The following IKZF1 variants were observed in gnomAD, a reference collection of about 807,000 sequenced individuals.
IKZF1 encodes the protein IKAROS family zinc finger 1, also known as DNA-binding protein Ikaros.
Under a neutral mutation model 51.7 loss-of-function variants are expected in IKZF1, and 10 were observed. The ratio of observed to expected loss-of-function variants is 0.19; its 90% CI spans 0.12 to 0.33. The LOEUF is 0.33. Among genes scored for constraint, IKZF1 ranks in the 10% least tolerant of loss-of-function variants. The probability of loss-of-function intolerance (pLI) is 1.00; values close to 1 mark genes in which losing one functional copy is unlikely to be tolerated. For missense variants in IKZF1, 484 were observed against 707.5 expected (o/e 0.68, Z 3.58); for synonymous variants, 280 against 282.3 (o/e 0.99, Z 0.08).
chr7:50,386,505 A>G (rs77700906), intron 5 of IKZF1, among the ~76,000 whole-genome samples: 9,515 of 152,270 alleles, frequency 0.062, 363 homozygotes, highest in South Asian at 0.14. Context: ...TGGAAGCTAC[A>G]CCATCCTAAA....
intron 3 of IKZF1, among the ~76,000 whole-genome samples, chr7:50,375,329 T>C (rs1358055234): frequency 1.3e-5 from 2 of 152,056 alleles, no homozygotes; most frequent in East Asian, 1.9e-4. Flanking sequence ...GAGGCTGAGG[T>C]GGGAGGATCA....
At chr7:50,353,758 G>A (rs986311095) in intron 3 of IKZF1, among the ~76,000 whole-genome samples, 3 of 152,160 alleles carry the variant, frequency 2.0e-5, no homozygotes, top group Non-Finnish European at 4.4e-5. Context: ...ACAAACACTC[G>A]CATTTATTAA....
chr7:50,358,042 C>T (rs1804006424), intron 3 of IKZF1, among the ~76,000 whole-genome samples: 2 of 152,200 alleles, frequency 1.3e-5, no homozygotes, highest in Non-Finnish European at 2.9e-5. Flanking sequence ...CCCCTGGAGT[C>T]ACATGGCAAC....
At chr7:50,339,652 G>C in intron 3 of IKZF1, among the ~76,000 whole-genome samples, 1 of 152,026 alleles carries the variant, frequency 6.6e-6, no homozygotes, top group East Asian at 1.9e-4. Flanking sequence ...TACTGGGAAG[G>C]CTGAGGCAGA....
intron 3 of IKZF1, among the ~76,000 whole-genome samples, chr7:50,363,177 G>A (rs897039063): frequency 2.0e-5 from 3 of 152,196 alleles, no homozygotes; most frequent in Admixed American, 2.0e-4. Flanking sequence ...GGGTGTGCAT[G>A]TTCCAGGCAT....
intron 3 of IKZF1, among the ~76,000 whole-genome samples, chr7:50,350,785 G>A (rs192177559): frequency 3.3e-5 from 5 of 151,966 alleles, no homozygotes; most frequent in Non-Finnish European, 5.9e-5. Flanking sequence ...TACAACTGCC[G>A]GGTGTCAATC....
At chr7:50,363,691 T>C (rs1805945294) in intron 3 of IKZF1, among the ~76,000 whole-genome samples, 1 of 152,194 alleles carries the variant, frequency 6.6e-6, no homozygotes, top group Non-Finnish European at 1.5e-5. Flanking sequence ...GCCTCCTCAC[T>C]AGAGGGTGGT....
intron 6 of IKZF1, among the ~76,000 whole-genome samples, chr7:50,387,715 G>A (rs923335606): frequency 2.6e-5 from 4 of 152,140 alleles, no homozygotes; most frequent in East Asian, 1.9e-4. Flanking sequence ...TTCCAATCGG[G>A]AGAAACTCCT....
chr7:50,351,281 T>C (rs566012177), intron 3 of IKZF1, among the ~76,000 whole-genome samples: 69 of 152,378 alleles, frequency 4.5e-4, no homozygotes, highest in Middle Eastern at 3.4e-3. Context: ...AAGTCACTTA[T>C]CTTGATGTAA....
intron 2 of IKZF1, among the ~76,000 whole-genome samples, chr7:50,322,861 G>A (rs1793783468): frequency 6.6e-6 from 1 of 152,106 alleles, no homozygotes; most frequent in Admixed American, 6.5e-5. Context: ...AGGGACTTGA[G>A]CCAGTTGATC....
At chr7:50,364,597 A>G (rs1303149634) in intron 3 of IKZF1, among the ~76,000 whole-genome samples, 1 of 152,256 alleles carries the variant, frequency 6.6e-6, no homozygotes, top group Non-Finnish European at 1.5e-5. Flanking sequence ...AAGAGGGTCA[A>G]CTTAGAGGCA....
intron 2 of IKZF1, among the ~76,000 whole-genome samples, chr7:50,323,308 C>T (rs1411975746): frequency 6.6e-6 from 1 of 152,104 alleles, no homozygotes; most frequent in South Asian, 2.1e-4. Flanking sequence ...CCACTTGGAC[C>T]CTAGAGTGGA....
rs1264973868 is a variant in IKZF1 at position 50,403,103 on chromosome 7, T to C, written c.*2476T>C. ...AATTCTTTTCTAAACTGCTTTGCCC[T>C]TTCCTCTCACTGCCTTTTATAGCCA... On this transcript the variant is annotated 3_prime_UTR_variant, in exon 8 of 8. Transcript: ENST00000331340. 4.5e-6 allele frequency: 1 copy of C among 223,422 alleles called. No individual in the cohort carries two copies. Among genetic ancestry groups the C allele is most frequent in the Non-Finnish European group, 8.9e-6 (1 of 111,986 alleles). The allele number at this position is 223,422 out of a possible 1,614,324, so 13.8% of individuals were successfully genotyped here. A position where few individuals can be genotyped will look rare whatever the true frequency, so the allele number is the denominator to read the frequency against.
chr7:50,307,023 G>C (rs202199953), intron 1 of IKZF1, among the ~76,000 whole-genome samples: 1 of 152,180 alleles, frequency 6.6e-6, no homozygotes, highest in Non-Finnish European at 1.5e-5. Context: ...TGCACACAGC[G>C]TGGAGTGAGA....
intron 3 of IKZF1, among the ~76,000 whole-genome samples, chr7:50,370,705 A>T (rs1180589768): frequency 1.3e-5 from 2 of 152,232 alleles, no homozygotes; most frequent in African/African-American, 4.8e-5. Flanking sequence ...ATTATCTCTC[A>T]GTCAATGAAA....
At chr7:50,362,384 G>A (rs1049489046) in intron 3 of IKZF1, among the ~76,000 whole-genome samples, 4 of 152,364 alleles carry the variant, frequency 2.6e-5, no homozygotes, top group Admixed American at 1.3e-4. Context: ...CAGACTCACG[G>A]TTTGCAGGCA....
chr7:50,321,904 GA>G, intron 2 of IKZF1, among the ~76,000 whole-genome samples: 1 of 152,220 alleles, frequency 6.6e-6, no homozygotes, highest in South Asian at 2.1e-4. Flanking sequence ...AAGACTTCCT[GA>G]AAAAGGAAAC....
intron 3 of IKZF1, among the ~76,000 whole-genome samples, chr7:50,354,231 T>A (rs1338469301): frequency 6.6e-6 from 1 of 152,158 alleles, no homozygotes. Context: ...TGAACGGTGA[T>A]CCTGGGGAGA....
Position 50,405,043 on chromosome 7 carries a change from T to C in IKZF1, c.*4416T>C, listed in dbSNP as rs956607747. On this transcript the variant is annotated 3_prime_UTR_variant, in exon 8 of 8. Transcript: ENST00000331340. ...AATTTCTGATCCCATTTCTGATGGA[T>C]GTGTCACACCTTTTCTGTCAAAATA... The C allele has an allele frequency of 8.1e-5, 16 of 197,190 alleles. No homozygotes were observed. The highest frequency in any genetic ancestry group is 3.5e-4 in the African/African-American group (15 of 43,430). The allele number at this position is 197,190 out of a possible 1,614,324, so 12.2% of individuals were successfully genotyped here. A position where few individuals can be genotyped will look rare whatever the true frequency, so the allele number is the denominator to read the frequency against.
Sources: gnomAD v4.1 joint callset for allele counts (sites outside exome capture counted in the v4.1 genomes callset) on GRCh38, gnomAD v4.1.1 for gene constraint, MANE v1.5 for transcripts, NCBI Gene and HGNC (gene_info 2026-07-23, HGNC 2026-07-21) for gene names.